The following PCDH11X variants were observed in gnomAD, a reference collection of about 807,000 sequenced individuals.
PCDH11X encodes the protein protocadherin-11 X-linked.
A neutral mutation model predicts 53.3 loss-of-function variants in PCDH11X; 18 were observed. The ratio of observed to expected loss-of-function variants is 0.34; its 90% confidence interval spans 0.23 to 0.50. PCDH11X has a LOEUF of 0.50. PCDH11X is among the 20% of genes least tolerant of loss of function. PCDH11X has a pLI of 0.98. For synonymous variants in PCDH11X, 279 were observed against 393.3 expected, an observed-to-expected ratio of 0.71 and a Z score of 3.44; for missense variants, 570 against 1,032.4, an observed-to-expected ratio of 0.55 and a Z score of 6.14.
chrX:92,337,344 A>G (rs993619485), intron 8 of PCDH11X, among the ~76,000 whole-genome samples: 3 of 110,248 alleles, frequency 2.7e-5, no homozygotes, highest in Non-Finnish European at 3.8e-5. Context: ...AGTAATAGTG[A>G]GTTCTTGCTC....
At chrX:92,576,011 T>TAC (rs1243169398) in intron 10 of PCDH11X, among the ~76,000 whole-genome samples, 1,548 of 27,899 alleles carry the variant, frequency 0.055, 153 homozygotes, top group African/African-American at 0.13. Context: ...TATATATATA[T>TAC]ACACACACAC....
chrX:92,251,125 A>G lies in PCDH11X; in HGVS notation c.3115-11989A>G, dbSNP rs1010866230. Among the ~76,000 whole-genome samples the G allele has an allele frequency of 3.6e-5, 4 of 110,962 alleles. No individual in the cohort carries two copies. The East Asian group carries it at 1.1e-3, about 31-fold the overall frequency. On this transcript the variant is annotated intron_variant, in intron 7 of 10. Transcript: ENST00000682573. Reference sequence around the variant, plus strand: ...AATTTTTTTAATGCACTTTACGAATATTCTGAAGCAGGAACCCTTATTTCT... The same window carrying G: ...AATTTTTTTAATGCACTTTACGAATGTTCTGAAGCAGGAACCCTTATTTCT...
At chrX:92,480,421 A>G (rs931179023) in intron 10 of PCDH11X, among the ~76,000 whole-genome samples, 23 of 110,985 alleles carry the variant, frequency 2.1e-4, no homozygotes, top group Non-Finnish European at 4.1e-4. Flanking sequence ...AGGAAAGAAG[A>G]CACTGTGGCT....
intron 10 of PCDH11X, among the ~76,000 whole-genome samples, chrX:92,546,534 C>A (rs1317472779): frequency 9.1e-6 from 1 of 109,405 alleles, no homozygotes; most frequent in South Asian, 3.9e-4. Flanking sequence ...ATTGAAATCT[C>A]ATATGTTAAT....
rs1940956064 is a variant in PCDH11X at position 91,901,561 on chromosome X, A to G, written c.3033+22288A>G. 2.7e-5 allele frequency among the ~76,000 whole-genome samples: 3 copies of G among 110,983 alleles called. No individual in the cohort carries two copies. In the South Asian group the frequency reaches 1.2e-3, roughly 43 times the overall value. Reference sequence around the variant, plus strand: ...TAAGTATTACTCTCTTTTCTGAATTACCAATAAATTACTTTAAGGGGGATG... The same window carrying G: ...TAAGTATTACTCTCTTTTCTGAATTGCCAATAAATTACTTTAAGGGGGATG... On this transcript the variant is annotated intron_variant, in intron 6 of 10. Coordinates refer to ENST00000682573, the MANE Select transcript of PCDH11X (RefSeq NM_032968.5).
intron 6 of PCDH11X, among the ~76,000 whole-genome samples, chrX:92,181,665 C>T (rs1161663331): frequency 3.6e-5 from 4 of 112,175 alleles, no homozygotes; most frequent in African/African-American, 1.3e-4. Context: ...CCAGCCACCA[C>T]AGCCATGACT....
At chrX:91,838,441 C>T (rs1937382238) in intron 5 of PCDH11X, among the ~76,000 whole-genome samples, 1 of 111,506 alleles carries the variant, frequency 9.0e-6, no homozygotes, top group Non-Finnish European at 1.9e-5. Flanking sequence ...GTTTTGACTG[C>T]TTGTTAAAAA....
chrX:92,610,042 T>G (rs1256420092), intron 10 of PCDH11X, among the ~76,000 whole-genome samples: 1 of 111,985 alleles, frequency 8.9e-6, no homozygotes, highest in Non-Finnish European at 1.9e-5. Flanking sequence ...TTGTGAACAG[T>G]GCTGTGTCAA....
intron 7 of PCDH11X, among the ~76,000 whole-genome samples, chrX:92,230,955 A>G (rs962238227): frequency 9.0e-6 from 1 of 111,113 alleles, no homozygotes; most frequent in African/African-American, 3.3e-5. Context: ...TCTAATTTTC[A>G]ATCTGCCACA....
intron 6 of PCDH11X, among the ~76,000 whole-genome samples, chrX:92,139,581 A>G (rs192757829): frequency 0.022 from 2,385 of 109,862 alleles, 40 homozygotes; most frequent in Middle Eastern, 0.042. Context: ...TCTAATCAAA[A>G]CGACAGTAGC....
intron 6 of PCDH11X, among the ~76,000 whole-genome samples, chrX:91,940,447 A>G (rs1430555532): frequency 1.8e-5 from 2 of 112,058 alleles, no homozygotes; most frequent in African/African-American, 3.2e-5. Context: ...CAATAATAGC[A>G]TAAAAGTTTG....
chrX:92,315,781 C>T (rs1439671219), intron 8 of PCDH11X, among the ~76,000 whole-genome samples: 1 of 109,142 alleles, frequency 9.2e-6, no homozygotes, highest in Non-Finnish European at 1.9e-5. Context: ...AGGGATCTGC[C>T]CTCCTTGGCC....
intron 7 of PCDH11X, among the ~76,000 whole-genome samples, chrX:92,259,989 A>G (rs1450430783): frequency 1.8e-5 from 2 of 111,130 alleles, no homozygotes; most frequent in African/African-American, 6.5e-5. Flanking sequence ...AGTCCTCCGC[A>G]TTCTTCCCTC....
At chrX:92,333,087 T>G (rs757062450) in intron 8 of PCDH11X, among the ~76,000 whole-genome samples, 31 of 109,670 alleles carry the variant, frequency 2.8e-4, no homozygotes, top group Non-Finnish European at 4.9e-4. Context: ...CATGCCCTTA[T>G]TTTTGCTAAA....
intron 6 of PCDH11X, among the ~76,000 whole-genome samples, chrX:92,034,626 G>A (rs1292732329): frequency 9.2e-6 from 1 of 109,282 alleles, no homozygotes; most frequent in Admixed American, 1.0e-4. Flanking sequence ...TTCAGTCTGT[G>A]TGTACATTTA....
chrX:92,389,802 G>A (rs2071085338), intron 9 of PCDH11X, among the ~76,000 whole-genome samples: 1 of 109,512 alleles, frequency 9.1e-6, no homozygotes, highest in Admixed American at 9.8e-5. Context: ...ATAAGTGCTA[G>A]CATCAATGTA....
At chrX:92,448,089 ATTTGCC>A (rs2072696131) in intron 9 of PCDH11X, among the ~76,000 whole-genome samples, 1 of 99,328 alleles carries the variant, frequency 1.0e-5, no homozygotes, top group South Asian at 5.2e-4. Context: ...GAAGTAACTA[ATTTGCC>A]TTTGATTTTA....
At chrX:92,508,462 C>T (rs2074106706) in intron 10 of PCDH11X, among the ~76,000 whole-genome samples, 1 of 110,510 alleles carries the variant, frequency 9.0e-6, no homozygotes, top group African/African-American at 3.3e-5. Flanking sequence ...ACCTCGTGAT[C>T]CACCTGCCTC....
chrX:91,931,564 A>C (rs2061385088), intron 6 of PCDH11X, among the ~76,000 whole-genome samples: 1 of 111,203 alleles, frequency 9.0e-6, no homozygotes, highest in African/African-American at 3.3e-5. Flanking sequence ...AGGTTACACT[A>C]TGTGAATTCT....
Sources: allele counts gnomAD v4.1 joint callset (sites outside exome capture counted in the v4.1 genomes callset), GRCh38; gene constraint gnomAD v4.1.1; transcripts MANE v1.5; gene names NCBI Gene and HGNC (gene_info 2026-07-23, HGNC 2026-07-21).